Variants in IL19 observed in about 807,000 individuals in gnomAD.
IL19 encodes interleukin-19.
A neutral mutation model predicts 19.5 loss-of-function variants in IL19; 15 were observed. The observed-to-expected ratio is 0.77, with a 90% CI of 0.52 to 1.19. The LOEUF (loss-of-function observed/expected upper bound fraction) is 1.19, where lower values mean the gene tolerates loss of function less well. Ranked by LOEUF, IL19 falls within the 50% of genes most tolerant of loss-of-function variation. The probability of loss-of-function intolerance (pLI) is 0.00; values close to 1 mark genes in which losing one functional copy is unlikely to be tolerated. For missense variants in IL19, 199 were observed against 213.1 expected (o/e 0.93, Z 0.41); for synonymous variants, 78 against 78.3 (o/e 1.00, Z 0.02).
intron 1 of IL19, among the ~76,000 whole-genome samples, chr1:206,791,222 A>G (rs1245619165): frequency 6.6e-6 from 1 of 152,130 alleles, no homozygotes; most frequent in African/African-American, 2.4e-5. Flanking sequence ...CTAATTGGAA[A>G]GTCATTTGTT....
chr1:206,826,952 A>G (rs1676452726), intron 2 of IL19, among the ~76,000 whole-genome samples: 1 of 152,102 alleles, frequency 6.6e-6, no homozygotes, highest in Non-Finnish European at 1.5e-5. Flanking sequence ...CTCCACCACT[A>G]CTCAGTTGTC....
At chr1:206,775,453 C>T (rs1674969412) in intron 1 of IL19, among the ~76,000 whole-genome samples, 2 of 152,198 alleles carry the variant, frequency 1.3e-5, no homozygotes, top group Admixed American at 6.5e-5. Flanking sequence ...TTACTGTCCA[C>T]TCTCATTTCA....
At chr1:206,840,183 C>T (rs1270615956) in intron 5 of IL19, 181 bp downstream of exon 5, 2 of 750,738 alleles carry the variant, frequency 2.7e-6, no homozygotes, top group South Asian at 2.9e-5. Context: ...CCAGGGCTCC[C>T]TGCCTGCTGA....
At chr1:206,772,458 T>A in intron 1 of IL19, 2 of 1,613,296 alleles carry the variant, frequency 1.2e-6, no homozygotes, top group Non-Finnish European at 1.7e-6. Flanking sequence ...AAGTCTGTCT[T>A]GTGGTTTGGT....
intron 1 of IL19, among the ~76,000 whole-genome samples, chr1:206,798,301 C>T (rs148772069): frequency 1.3e-3 from 202 of 152,204 alleles, no homozygotes; most frequent in African/African-American, 4.2e-3. Context: ...CTGCAGGGGG[C>T]GTGTGCAAGC....
At chr1:206,771,930 G>A (rs45499395) in intron 1 of IL19, among the ~76,000 whole-genome samples, 32 of 152,314 alleles carry the variant, frequency 2.1e-4, no homozygotes, top group Non-Finnish European at 4.1e-4. Context: ...TTTCCCTGCT[G>A]CAAGGCATGG....
intron 2 of IL19, among the ~76,000 whole-genome samples, chr1:206,829,872 G>T (rs1676542471): frequency 6.6e-6 from 1 of 152,032 alleles, no homozygotes; most frequent in Non-Finnish European, 1.5e-5. Context: ...AGATCCCTGT[G>T]GGCAAAAAAG....
At position 206,777,230 on chromosome 1, in the gene IL19, C is replaced by CAA. The variant is rs750939092; in HGVS notation, c.-149+6177_-149+6178dup. Among the ~76,000 whole-genome samples, 28 of 6,174 alleles carry CAA rather than the reference C, an allele frequency of 4.5e-3. 6 individuals are homozygous for CAA. The highest frequency in any genetic ancestry group is 0.034 in the East Asian group (6 of 174). 4.1% of individuals were successfully genotyped at this position (6,174 alleles called of 152,430 possible). On this transcript the variant is annotated intron_variant, in intron 1 of 6. Coordinates refer to ENST00000659997, the MANE Select transcript of IL19 (RefSeq NM_153758.5). ...TGGGCGACAGAGCGAGACTCCGTCT[C>CAA]AAAAAAAAAAAAAAAAAAAAAAAAA...
chr1:206,772,701 T>C (rs1470917688), intron 1 of IL19, among the ~76,000 whole-genome samples: 1 of 152,214 alleles, frequency 6.6e-6, no homozygotes, highest in Non-Finnish European at 1.5e-5. Context: ...ATTACAGCTA[T>C]TTTTAGGATG....
intron 1 of IL19, among the ~76,000 whole-genome samples, chr1:206,795,927 A>ATTTATG (rs1553439245): frequency 7.5e-6 from 1 of 133,532 alleles, no homozygotes; most frequent in African/African-American, 2.9e-5. Flanking sequence ...AAATATATAT[A>ATTTATG]TGTGTGTGTG....
At chr1:206,786,303 T>C (rs1459042036) in intron 1 of IL19, among the ~76,000 whole-genome samples, 1 of 152,244 alleles carries the variant, frequency 6.6e-6, no homozygotes, top group Non-Finnish European at 1.5e-5. Flanking sequence ...CTGAGACTAC[T>C]ACAGCTACTA....
intron 1 of IL19, among the ~76,000 whole-genome samples, chr1:206,793,684 C>T (rs1215697839): frequency 6.6e-6 from 1 of 152,136 alleles, no homozygotes; most frequent in Non-Finnish European, 1.5e-5. Context: ...CCTGGAACCT[C>T]AAACAACAGA....
chr1:206,816,225 T>C (rs1676151834), intron 2 of IL19, among the ~76,000 whole-genome samples: 1 of 152,148 alleles, frequency 6.6e-6, no homozygotes, highest in South Asian at 2.1e-4. Flanking sequence ...TCTGAATATA[T>C]GCAAAGAAAT....
Position 206,841,030 on chromosome 1 carries a change from G to C in IL19, c.390G>C (p.Arg130Ser), listed in dbSNP as rs1183855227. 6.2e-7 allele frequency: 1 copy of C among 1,614,098 alleles called. No homozygotes were observed. The highest frequency in any genetic ancestry group is 8.5e-7 in the Non-Finnish European group (1 of 1,179,964). The change falls in exon 6 of 7, where the codon AGG (arginine) becomes AGC (serine). Residue 130 changes from arginine (R) to serine (S), a missense_variant. Physicochemically the swap from Arg to Ser is moderately radical, Grantham distance 110. Transcript: ENST00000659997. ...AGGAACAGAGGCAGTGTCACTGCAG[G>C]CAGGAAGCCACCAATGCCACCAGAG... ...QCQEQRQCHCRQEATNATRVI... is the reference protein window; with the variant it reads ...QCQEQRQCHCSQEATNATRVI...
chr1:206,819,780 C>T (rs1235407988), intron 2 of IL19, among the ~76,000 whole-genome samples: 2 of 152,206 alleles, frequency 1.3e-5, no homozygotes, highest in Non-Finnish European at 2.9e-5. Context: ...AGATCTTTCA[C>T]TGGCCGCTTA....
At position 206,816,180 on chromosome 1, in the gene IL19, C is replaced by G. The variant is rs1028303067; in HGVS notation, c.-3+17174C>G. 5.3e-5 allele frequency among the ~76,000 whole-genome samples: 8 copies of G among 151,984 alleles called. No homozygotes were observed. The East Asian group carries it at 1.5e-3, about 29-fold the overall frequency. ...ATTGCCAGCAGACCTGCACTAATGTCCTTTAGGCAGGAAGAAAATGATATC... is the reference window on the plus strand; with the variant it reads ...ATTGCCAGCAGACCTGCACTAATGTGCTTTAGGCAGGAAGAAAATGATATC... On this transcript the variant is annotated intron_variant, in intron 2 of 6. Coordinates refer to ENST00000659997, the MANE Select transcript of IL19 (RefSeq NM_153758.5).
At chr1:206,781,882 T>TAC (rs1675143222) in intron 1 of IL19, among the ~76,000 whole-genome samples, 1 of 136,458 alleles carries the variant, frequency 7.3e-6, no homozygotes, top group South Asian at 2.2e-4. Context: ...TATATACATA[T>TAC]ATATGTATAT....
At chr1:206,815,754 T>C (rs1392068602) in intron 2 of IL19, among the ~76,000 whole-genome samples, 2 of 152,012 alleles carry the variant, frequency 1.3e-5, no homozygotes, top group Non-Finnish European at 2.9e-5. Context: ...GGAAGAAAGA[T>C]AAAAATGATA....
chr1:206,812,114 G>A (rs1676030270), intron 2 of IL19, among the ~76,000 whole-genome samples: 1 of 152,226 alleles, frequency 6.6e-6, no homozygotes, highest in South Asian at 2.1e-4. Flanking sequence ...GGAGATTACA[G>A]TCTGAAGGGA....
Sources: gnomAD v4.1 joint callset for allele counts (sites outside exome capture counted in the v4.1 genomes callset) on GRCh38, gnomAD v4.1.1 for gene constraint, MANE v1.5 for transcripts, NCBI Gene and HGNC (gene_info 2026-07-23, HGNC 2026-07-21) for gene names.